GHRHR: variants seen among roughly 807,000 people sequenced by gnomAD.
GHRHR encodes growth hormone releasing hormone receptor.
GHRHR carries 40 observed loss-of-function variants against 58.3 expected under a neutral mutation model. The observed-to-expected ratio is 0.69, with a 90% CI of 0.53 to 0.89. The LOEUF (loss-of-function observed/expected upper bound fraction) is 0.89. Ranked by LOEUF, GHRHR falls within the 40% of genes least tolerant of loss-of-function variation. The pLI, the probability that GHRHR is intolerant of heterozygous loss-of-function variation, is 0.00. For synonymous variants in GHRHR, 249 were observed against 216.6 expected (o/e 1.15, Z -1.31); for missense variants, 551 against 541.3 (o/e 1.02, Z -0.18).
chr7:30,975,954 G>A (rs1045145534), intron 10 of GHRHR, 86 bp downstream of exon 10: 49 of 804,358 alleles, frequency 6.1e-5, no homozygotes, highest in Non-Finnish European at 1.1e-4. Flanking sequence ...AAGCACTCAT[G>A]ACCTCAGCCC....
Position 30,979,327 on chromosome 7 carries a change from C to A in GHRHR, c.*83C>A. 7 of 1,370,332 alleles carry A rather than the reference C, an allele frequency of 5.1e-6. No homozygotes were observed. The highest frequency in any genetic ancestry group is 7.1e-6 in the Non-Finnish European group (7 of 980,686). The allele number at this position is 1,370,332 out of a possible 1,614,324, so 84.9% of individuals were successfully genotyped here. On this transcript the variant is annotated 3_prime_UTR_variant, in exon 13 of 13. Coordinates refer to ENST00000326139, the MANE Select transcript of GHRHR (RefSeq NM_000823.4). ...GCCATGCTCTGGAGGAGCAAGGGGG[C>A]CACATCCCCACCCCAGCTGTTACCC...
chr7:30,979,273 A>G lies in GHRHR; in HGVS notation c.*29A>G, dbSNP rs759106817. ...GCCTCATCACGCCACTGGAGTCCAC[A>G]CTTGAATTTGGGCAGCTACCACGGG... is the stretch of plus-strand genomic sequence containing the variant. On this transcript the variant is annotated 3_prime_UTR_variant, in exon 13 of 13. Transcript: ENST00000326139. The G allele has an allele frequency of 9.9e-5, 159 of 1,610,836 alleles. No homozygotes were observed. The highest frequency in any genetic ancestry group is 3.3e-5 in the Admixed American group (2 of 59,926).
At chr7:30,964,925 G>A (rs1188337398) in intron 1 of GHRHR, among the ~76,000 whole-genome samples, 1 of 152,104 alleles carries the variant, frequency 6.6e-6, no homozygotes, top group Non-Finnish European at 1.5e-5. Context: ...TTCTTCCTCC[G>A]CTGCCTTATT....
intron 1 of GHRHR, 96 bp from the exon 2 acceptor site, chr7:30,968,738 G>T: frequency 3.8e-6 from 3 of 790,752 alleles, no homozygotes; most frequent in East Asian, 2.5e-5. Flanking sequence ...GCACAGATAT[G>T]AATCAGGCCT....
At chr7:30,975,153 C>G (rs2128598475) in intron 9 of GHRHR, 113 bp downstream of exon 9, 1 of 794,060 alleles carries the variant, frequency 1.3e-6, no homozygotes, top group Middle Eastern at 2.2e-4. Flanking sequence ...GAAAACTGGG[C>G]TCCAGCCTTG....
chr7:30,971,585 C>G (rs560483620), intron 5 of GHRHR, among the ~76,000 whole-genome samples: 1 of 152,162 alleles, frequency 6.6e-6, no homozygotes, highest in Non-Finnish European at 1.5e-5. Context: ...ACCCCACCCC[C>G]TCCTCCAGCC....
chr7:30,969,081 A>G lies in GHRHR; in HGVS notation c.179A>G (p.Asp60Gly). The change falls in exon 3 of 13, where the codon GAT becomes GGT. Residue 60 changes from aspartate to glycine, a missense_variant. Coordinates refer to ENST00000326139, the MANE Select transcript of GHRHR (RefSeq NM_000823.4). ...TATCCAGGCTGCCCTGCGACCTGGG[A>G]TGGGCTGCTGTGCTGGCCAACGGCA... ...NTTLGCPATW[D>G]GLLCWPTAGS... The G allele has an allele frequency of 6.3e-7, 1 of 1,580,666 alleles. No individual in the cohort carries two copies. Among genetic ancestry groups the G allele is most frequent in the Non-Finnish European group, 8.6e-7 (1 of 1,162,884 alleles).
chr7:30,966,818 T>C (rs1792366639), intron 1 of GHRHR, among the ~76,000 whole-genome samples: 1 of 152,180 alleles, frequency 6.6e-6, no homozygotes, highest in Admixed American at 6.5e-5. Context: ...AATTTTTGTA[T>C]TTTTGTAGAG....
At position 30,968,900 on chromosome 7, in the gene GHRHR, C is replaced by G; in HGVS notation, c.124C>G (p.Leu42Val). The G allele has an allele frequency of 6.2e-7, 1 of 1,613,776 alleles. No homozygotes were observed. Among genetic ancestry groups the G allele is most frequent in the South Asian group, 1.1e-5 (1 of 91,068 alleles). Residue 42 changes from leucine (L) to valine (V), a missense_variant, in exon 2 of 13, where the codon CTA becomes GTA. Leu to Val is a conservative substitution (Grantham distance 32). Coordinates refer to ENST00000326139, the MANE Select transcript of GHRHR (RefSeq NM_000823.4). ...TQLREDESACLQAAEEMPNTT... is the reference protein window; with the variant it reads ...TQLREDESACVQAAEEMPNTT... ...GCTGAGAGAGGATGAGAGTGCCTGTCTACAAGCAGCAGAGGAGATGCCCAA... is the reference window on the plus strand; with the variant it reads ...GCTGAGAGAGGATGAGAGTGCCTGTGTACAAGCAGCAGAGGAGATGCCCAA...
At chr7:30,975,901 A>G in intron 10 of GHRHR, 33 bp downstream of exon 10, 2 of 1,207,906 alleles carry the variant, frequency 1.7e-6, no homozygotes, top group Non-Finnish European at 2.5e-6. Context: ...GATACTGGGA[A>G]AGGGTAACTG....
At chr7:30,978,078 A>G (rs772184417) in intron 12 of GHRHR, among the ~76,000 whole-genome samples, 4 of 152,202 alleles carry the variant, frequency 2.6e-5, no homozygotes, top group Non-Finnish European at 5.9e-5. Flanking sequence ...TCTGCTGGCC[A>G]TGGATTTGCC....
At chr7:30,964,760 C>T (rs771532192) in intron 1 of GHRHR, among the ~76,000 whole-genome samples, 6 of 152,158 alleles carry the variant, frequency 3.9e-5, no homozygotes, top group Non-Finnish European at 8.8e-5. Context: ...AAATTGTACT[C>T]CATGGGCTAG....
At chr7:30,975,262 G>A (rs1366745862) in intron 9 of GHRHR, among the ~76,000 whole-genome samples, 4 of 152,132 alleles carry the variant, frequency 2.6e-5, no homozygotes, top group Non-Finnish European at 5.9e-5. Context: ...GGCTGTTCCA[G>A]CTCAATTTTG....
chr7:30,966,790 G>T (rs535009037), intron 1 of GHRHR, among the ~76,000 whole-genome samples: 2 of 152,084 alleles, frequency 1.3e-5, no homozygotes, highest in African/African-American at 4.8e-5. Context: ...TTACAGGAGC[G>T]TGTCATCACA....
At chr7:30,974,943 A>G (rs1303005431) in intron 8 of GHRHR, 28 bp from the exon 9 acceptor site, 2 of 1,544,332 alleles carry the variant, frequency 1.3e-6, no homozygotes, top group South Asian at 1.1e-5. Context: ...GGACTTTCCA[A>G]CAACGGCCTT....
At chr7:30,971,242 A>G in intron 5 of GHRHR, 26 bp downstream of exon 5, 1 of 1,001,368 alleles carries the variant, frequency 1.0e-6, no homozygotes, top group Non-Finnish European at 1.6e-6. Flanking sequence ...CACCAGCTCA[A>G]GAACCTTCCT....
intron 7 of GHRHR, 93 bp downstream of exon 7, chr7:30,974,231 G>A (rs879718776): frequency 4.0e-5 from 55 of 1,376,952 alleles, no homozygotes; most frequent in Non-Finnish European, 5.6e-5. Context: ...CTCACTCTGA[G>A]GCCCAGAGAA....
intron 9 of GHRHR, 44 bp from the exon 10 acceptor site, chr7:30,975,732 AC>A: frequency 8.8e-7 from 1 of 1,140,126 alleles, no homozygotes; most frequent in Non-Finnish European, 1.3e-6. Flanking sequence ...ACCCAAGGCT[AC>A]CCCCTGACCC....
chr7:30,976,164 T>C (rs1002879012), intron 10 of GHRHR, among the ~76,000 whole-genome samples: 2 of 152,098 alleles, frequency 1.3e-5, no homozygotes, highest in Admixed American at 1.3e-4. Context: ...CAAGGAAGAC[T>C]TCCTGGAGGA....
Sources: allele counts gnomAD v4.1 joint callset (sites outside exome capture counted in the v4.1 genomes callset), GRCh38; gene constraint gnomAD v4.1.1; transcripts MANE v1.5; gene names NCBI Gene and HGNC (gene_info 2026-07-23, HGNC 2026-07-21).